SGCD: variants seen among roughly 807,000 people sequenced by gnomAD.
The protein encoded by SGCD is delta-sarcoglycan.
SGCD carries 18 observed loss-of-function variants against 36.6 expected under a neutral mutation model. The ratio of observed to expected loss-of-function variants is 0.49; its 90% confidence interval spans 0.34 to 0.73. The LOEUF is 0.73. SGCD is among the 30% of genes least tolerant of loss of function. SGCD has a pLI of 0.01. For synonymous variants in SGCD, 133 were observed against 130.6 expected (o/e 1.02, Z -0.12); for missense variants, 387 against 346.7 (o/e 1.12, Z -0.92).
chr5:156,456,329 A>C (rs1754258022), intron 3 of SGCD, among the ~76,000 whole-genome samples: 1 of 152,166 alleles, frequency 6.6e-6, no homozygotes, highest in Non-Finnish European at 1.5e-5. Context: ...TTCCTCTTAG[A>C]GAATATGTGT....
intron 3 of SGCD, among the ~76,000 whole-genome samples, chr5:156,226,964 A>C (rs186002536): frequency 2.3e-3 from 348 of 151,524 alleles, no homozygotes; most frequent in Non-Finnish European, 3.7e-3. Flanking sequence ...TTGCTTGCTT[A>C]TTTTTTTGAG....
In SGCD at chr5:156,759,421, C is replaced by T. The variant is rs759110322; in HGVS notation, c.*31C>T. 15 of 1,529,328 alleles carry T rather than the reference C, an allele frequency of 9.8e-6. No homozygotes were observed. The South Asian group carries it at 1.5e-4, about 15-fold the overall frequency. 94.7% of individuals were successfully genotyped at this position (1,529,328 alleles called of 1,614,324 possible). On this transcript the variant is annotated 3_prime_UTR_variant, in exon 9 of 9. Transcript: ENST00000337851. ...TATCCATAGTGGACATTGTTGGCAG[C>T]ATAAAGGCCTTTTTTGGCTTTAGAC...
At chr5:156,492,842 C>A (rs1368674116) in intron 3 of SGCD, among the ~76,000 whole-genome samples, 1 of 152,086 alleles carries the variant, frequency 6.6e-6, no homozygotes, top group East Asian at 1.9e-4. Context: ...TGTTAGTTTG[C>A]TGAGAAGGAT....
intron 3 of SGCD, chr5:156,458,410 C>T (rs1199102167): frequency 5.0e-6 from 8 of 1,595,548 alleles, no homozygotes; most frequent in East Asian, 4.5e-5. Context: ...TTGATGTGAT[C>T]GATGTAGTAG....
At chr5:156,650,554 G>A (rs2113596805) in intron 7 of SGCD, among the ~76,000 whole-genome samples, 1 of 152,140 alleles carries the variant, frequency 6.6e-6, no homozygotes, top group South Asian at 2.1e-4. Context: ...TGTGTATCCA[G>A]TGCTCAGCTC....
chr5:156,658,588 T>C (rs1763781369), intron 7 of SGCD, among the ~76,000 whole-genome samples: 1 of 80,188 alleles, frequency 1.2e-5, no homozygotes, highest in South Asian at 5.0e-4. Context: ...GAATTTTTCT[T>C]AGCACATAAC....
chr5:156,159,321 CTGAG>C (rs763304373), intron 3 of SGCD, among the ~76,000 whole-genome samples: 15 of 151,464 alleles, frequency 9.9e-5, no homozygotes, highest in East Asian at 1.9e-4. Flanking sequence ...TGAATATTTA[CTGAG>C]TAATTGGAAT....
intron 4 of SGCD, among the ~76,000 whole-genome samples, chr5:156,587,438 T>C (rs1760540172): frequency 6.6e-6 from 1 of 152,228 alleles, no homozygotes; most frequent in Non-Finnish European, 1.5e-5. Context: ...CAGGCTGTGA[T>C]GATATGGTTG....
chr5:156,432,494 T>C (rs1428462186), intron 3 of SGCD, among the ~76,000 whole-genome samples: 5 of 152,296 alleles, frequency 3.3e-5, no homozygotes, highest in African/African-American at 1.2e-4. Context: ...TTCTGGTTTC[T>C]CAGGCATTGG....
chr5:156,219,491 G>A (rs564011455), intron 3 of SGCD, among the ~76,000 whole-genome samples: 6 of 151,876 alleles, frequency 4.0e-5, no homozygotes, highest in Middle Eastern at 6.8e-3. Context: ...AAAAAATAAA[G>A]CATCTGAATC....
At chr5:156,228,910 T>C (rs551771684) in intron 3 of SGCD, among the ~76,000 whole-genome samples, 1 of 146,390 alleles carries the variant, frequency 6.8e-6, no homozygotes, top group Non-Finnish European at 1.5e-5. Context: ...TGGGTGTATC[T>C]GTGAGGGTGC....
chr5:156,185,055 C>A (rs1455052434), intron 3 of SGCD, among the ~76,000 whole-genome samples: 1 of 152,100 alleles, frequency 6.6e-6, no homozygotes, highest in East Asian at 1.9e-4. Flanking sequence ...TCACTTTTTA[C>A]ATTTCTTTCC....
At chr5:156,332,162 C>T (rs974591399) in intron 2 of SGCD, among the ~76,000 whole-genome samples, 4 of 152,190 alleles carry the variant, frequency 2.6e-5, no homozygotes, top group African/African-American at 7.2e-5. Flanking sequence ...CAAAAGTTTG[C>T]GTCCCCACCC....
chr5:156,640,334 C>T (rs1009492194), intron 6 of SGCD, among the ~76,000 whole-genome samples: 2 of 148,494 alleles, frequency 1.3e-5, no homozygotes, highest in African/African-American at 4.9e-5. Flanking sequence ...GTGCTTTATA[C>T]ATAAATACAG....
At chr5:156,201,965 T>A (rs1220989565) in intron 3 of SGCD, among the ~76,000 whole-genome samples, 1 of 152,150 alleles carries the variant, frequency 6.6e-6, no homozygotes, top group Non-Finnish European at 1.5e-5. Flanking sequence ...CCCTGAGTGG[T>A]CCTGACTTCC....
chr5:155,990,708 A>C (rs937251471), intron 1 of SGCD, among the ~76,000 whole-genome samples: 2 of 152,204 alleles, frequency 1.3e-5, no homozygotes, highest in African/African-American at 4.8e-5. Flanking sequence ...CATTTATTGA[A>C]TACTTACTAC....
the SGCD span, among the ~76,000 whole-genome samples, chr5:155,817,789 C>T: frequency 1.3e-5 from 2 of 152,112 alleles, no homozygotes; most frequent in African/African-American, 2.4e-5. Context: ...CCGGTTGAAA[C>T]GGCAGGTAGG....
chr5:155,973,226 T>C (rs11135000), intron 1 of SGCD, among the ~76,000 whole-genome samples: 52,047 of 152,012 alleles, frequency 0.34, 9,188 homozygotes, highest in African/African-American at 0.43. Flanking sequence ...TTTACCCACA[T>C]CCATTTGCAG....
At position 156,102,822 on chromosome 5, in the gene SGCD, G is replaced by A. The variant is rs555470570; in HGVS notation, c.-281-15056G>A. 3.2e-4 allele frequency among the ~76,000 whole-genome samples: 48 copies of A among 152,152 alleles called. No individual in the cohort carries two copies. In the South Asian group the frequency reaches 7.7e-3, roughly 24 times the overall value. On this transcript the variant is annotated intron_variant, in intron 1 of 9. Transcript: ENST00000517913. The stretch of plus-strand genomic sequence containing the variant: ...TGAAAACCTATGATTGGGTGTGTGC[G>A]TATATACTTATATTGTGTGTGTACA...
Sources: gnomAD v4.1 joint callset for allele counts (sites outside exome capture counted in the v4.1 genomes callset) on GRCh38, gnomAD v4.1.1 for gene constraint, MANE v1.5 for transcripts, NCBI Gene and HGNC (gene_info 2026-07-23, HGNC 2026-07-21) for gene names.